Variants in GLCCI1 observed in about 807,000 individuals in gnomAD.
GLCCI1 encodes glucocorticoid induced 1.
In GLCCI1, 24 loss-of-function variants were observed where a neutral mutation model predicts 52.2. The observed-to-expected ratio is 0.46, with a 90% confidence interval of 0.33 to 0.65. GLCCI1 has a LOEUF of 0.65. GLCCI1 is among the 30% of genes least tolerant of loss of function. The pLI is 0.02. For synonymous variants in GLCCI1, 310 were observed against 276.5 expected, an observed-to-expected ratio of 1.12 and a Z score of -1.20; for missense variants, 704 against 701.5, an observed-to-expected ratio of 1.00 and a Z score of -0.04.
intron 1 of GLCCI1, among the ~76,000 whole-genome samples, chr7:7,996,830 C>T (rs1432105198): frequency 6.6e-6 from 1 of 152,160 alleles, no homozygotes; most frequent in African/African-American, 2.4e-5. Flanking sequence ...TTCTAGATTG[C>T]TTCTGTGGTA....
chr7:8,010,264 A>G (rs929994588), intron 2 of GLCCI1, among the ~76,000 whole-genome samples: 2 of 152,230 alleles, frequency 1.3e-5, no homozygotes, highest in African/African-American at 2.4e-5. Flanking sequence ...CAGTCTTAAC[A>G]AGAGAAACCA....
chr7:8,051,978 T>G (rs998759081), intron 3 of GLCCI1, among the ~76,000 whole-genome samples: 16 of 152,254 alleles, frequency 1.1e-4, no homozygotes, highest in Admixed American at 1.0e-3. Context: ...TAGCTATTAC[T>G]TTTGGTTCCT....
At chr7:8,056,239 A>C (rs952648863) in intron 4 of GLCCI1, among the ~76,000 whole-genome samples, 2 of 152,146 alleles carry the variant, frequency 1.3e-5, no homozygotes, top group African/African-American at 4.8e-5. Context: ...CAGAGGTTGC[A>C]GTGAGCTGAA....
chr7:8,078,266 T>C (rs1782918761), intron 6 of GLCCI1, among the ~76,000 whole-genome samples: 1 of 147,448 alleles, frequency 6.8e-6, no homozygotes. Context: ...TAAGCTTTGC[T>C]AAGAGAAAGA....
At chr7:8,049,517 G>A (rs1033595088) in intron 3 of GLCCI1, among the ~76,000 whole-genome samples, 30 of 152,126 alleles carry the variant, frequency 2.0e-4, no homozygotes, top group African/African-American at 7.0e-4. Flanking sequence ...GTTTTATAAT[G>A]CTTTCATTAT....
chr7:8,034,746 C>T (rs1358292277), intron 3 of GLCCI1, among the ~76,000 whole-genome samples: 1 of 152,144 alleles, frequency 6.6e-6, no homozygotes, highest in African/African-American at 2.4e-5. Context: ...AAGAGGCTGG[C>T]AGAGATTAGC....
chr7:7,978,370 A>G (rs1204402189), intron 1 of GLCCI1, among the ~76,000 whole-genome samples: 1 of 152,236 alleles, frequency 6.6e-6, no homozygotes, highest in Non-Finnish European at 1.5e-5. Flanking sequence ...CATTTAACAT[A>G]GTATCTTTTT....
At chr7:8,030,147 C>T (rs1781713853) in intron 3 of GLCCI1, among the ~76,000 whole-genome samples, 1 of 152,132 alleles carries the variant, frequency 6.6e-6, no homozygotes, top group African/African-American at 2.4e-5. Flanking sequence ...TTAAATTCTA[C>T]TGAAGAGCTA....
At position 8,022,493 on chromosome 7, in the gene GLCCI1, G is replaced by A. The variant is rs1330680046; in HGVS notation, c.620G>A (p.Cys207Tyr). 4 of 1,568,610 alleles carry A rather than the reference G, an allele frequency of 2.6e-6. No homozygotes were observed. In the African/African-American group the frequency reaches 4.1e-5, roughly 16 times the overall value. The change falls in exon 3 of 8, where the codon TGT becomes TAT. Residue 207 changes from cysteine to tyrosine, a missense_variant. Coordinates refer to ENST00000223145, the MANE Select transcript of GLCCI1 (RefSeq NM_138426.4). ...MKDKATQTPS[C>Y]WAEEGAEKRS... is the part of the protein sequence containing the mutation. ...ATATATTTTTTAAAGACACCTAGCT[G>A]TTGGGCAGAAGAGGGTGCAGAAAAG... is the stretch of plus-strand genomic sequence containing the variant.
rs185766492 is a variant in GLCCI1 at position 8,001,177 on chromosome 7, C to G, written c.458-2731C>G. 1.5e-3 allele frequency among the ~76,000 whole-genome samples: 234 copies of G among 152,254 alleles called. No homozygotes were observed. The East Asian group carries it at 0.037, about 24-fold the overall frequency. On this transcript the variant is annotated intron_variant, in intron 1 of 7. Coordinates refer to ENST00000223145, the MANE Select transcript of GLCCI1 (RefSeq NM_138426.4). ...GGCATATTTTTGCAGTGGCTGGTAC[C>G]AGTTGTTCCTTTCCATGTTTAATGC...
intron 3 of GLCCI1, among the ~76,000 whole-genome samples, chr7:8,053,314 CGTTTT>C (rs1281038291): frequency 5.2e-5 from 5 of 96,888 alleles, no homozygotes; most frequent in African/African-American, 9.8e-5. Flanking sequence ...TTTTTGTTTT[CGTTTT>C]TTTTTTTGTT....
chr7:8,069,063 A>G (rs1016960603), intron 5 of GLCCI1, among the ~76,000 whole-genome samples: 2 of 151,494 alleles, frequency 1.3e-5, no homozygotes, highest in Admixed American at 6.6e-5. Context: ...CTCCTCTCCT[A>G]CTCAAGTGCT....
In GLCCI1 at chr7:8,079,773, T is replaced by C. The variant is rs573207811; in HGVS notation, c.1178-5124T>C. 3.7e-4 allele frequency among the ~76,000 whole-genome samples: 56 copies of C among 151,588 alleles called. 3 individuals are homozygous for C. Among genetic ancestry groups the C allele is most frequent in the African/African-American group, 1.3e-3 (53 of 40,934 alleles). On this transcript the variant is annotated intron_variant, in intron 6 of 7. Coordinates refer to ENST00000223145, the MANE Select transcript of GLCCI1 (RefSeq NM_138426.4). ...AAATACCTCCTACATATAATAAATA[T>C]ATAATTAATGGGCCTTGGAATGTAA... is the stretch of plus-strand genomic sequence containing the variant.
At chr7:8,059,417 T>A (rs1233839227) in intron 4 of GLCCI1, among the ~76,000 whole-genome samples, 1 of 152,192 alleles carries the variant, frequency 6.6e-6, no homozygotes, top group South Asian at 2.1e-4. Context: ...AATTTTTACC[T>A]TATTAATCTT....
At chr7:8,000,036 A>G (rs1178257629) in intron 1 of GLCCI1, among the ~76,000 whole-genome samples, 1 of 152,238 alleles carries the variant, frequency 6.6e-6, no homozygotes, top group Non-Finnish European at 1.5e-5. Context: ...GTTTGGAGCA[A>G]TTTAAGTAGA....
intron 5 of GLCCI1, among the ~76,000 whole-genome samples, chr7:8,063,810 C>A (rs986714556): frequency 6.6e-5 from 10 of 151,468 alleles, no homozygotes; most frequent in East Asian, 5.9e-4. Context: ...TTAGTACACA[C>A]AAGGTCTTGC....
At chr7:8,020,842 AT>A (rs1781469523) in intron 2 of GLCCI1, among the ~76,000 whole-genome samples, 1 of 152,194 alleles carries the variant, frequency 6.6e-6, no homozygotes, top group South Asian at 2.1e-4. Flanking sequence ...CAATTGAATA[AT>A]TTTGGAATAA....
chr7:8,012,199 A>AT (rs1175299179), intron 2 of GLCCI1, among the ~76,000 whole-genome samples: 1 of 151,298 alleles, frequency 6.6e-6, no homozygotes, highest in African/African-American at 2.4e-5. Context: ...TCTTACTTTG[A>AT]TTTTCGATTT....
At chr7:7,992,113 C>CTGTT (rs1780853708) in intron 1 of GLCCI1, among the ~76,000 whole-genome samples, 1 of 147,264 alleles carries the variant, frequency 6.8e-6, no homozygotes, top group Non-Finnish European at 1.5e-5. Flanking sequence ...CTGTTTCTCT[C>CTGTT]TCTCTCTCTC....
Sources: gnomAD v4.1 joint callset for allele counts (sites outside exome capture counted in the v4.1 genomes callset) on GRCh38, gnomAD v4.1.1 for gene constraint, MANE v1.5 for transcripts, NCBI Gene and HGNC (gene_info 2026-07-23, HGNC 2026-07-21) for gene names.